Variants in KHDRBS2 observed in about 807,000 individuals in gnomAD.
KHDRBS2 encodes the protein KH domain-containing, RNA-binding, signal transduction-associated protein 2.
In KHDRBS2, 26 loss-of-function variants were observed where a neutral mutation model predicts 44.3. The observed-to-expected ratio is 0.59, with a 90% CI of 0.43 to 0.81. KHDRBS2 has a LOEUF of 0.81. Ranked by LOEUF, KHDRBS2 falls within the 40% of genes least tolerant of loss-of-function variation. The pLI is 0.00. For synonymous variants in KHDRBS2, 194 were observed against 151.1 expected (o/e 1.28, Z -2.08); for missense variants, 476 against 433.1 (o/e 1.10, Z -0.88).
the KHDRBS2 span, among the ~76,000 whole-genome samples, chr6:61,653,954 C>T: frequency 6.6e-6 from 1 of 151,926 alleles, no homozygotes; most frequent in Admixed American, 6.6e-5. Flanking sequence ...AACACACAAC[C>T]CTACTTTGGC....
chr6:61,787,971 A>G (rs772823486), intron 6 of KHDRBS2, among the ~76,000 whole-genome samples: 4 of 151,632 alleles, frequency 2.6e-5, no homozygotes, highest in African/African-American at 9.7e-5. Context: ...ACCACATAAT[A>G]TATCATTGTT....
chr6:61,804,471 G>A (rs372014461), intron 6 of KHDRBS2, among the ~76,000 whole-genome samples: 14 of 152,070 alleles, frequency 9.2e-5, no homozygotes, highest in South Asian at 2.1e-4. Context: ...GAGGACAGTC[G>A]CCTTCTTCTC....
In KHDRBS2 at chr6:61,954,499, G is replaced by GAATATATACA. The variant is rs1330692053; in HGVS notation, c.483+23566_483+23567insTGTATATATT. Among the ~76,000 whole-genome samples the GAATATATACA allele has an allele frequency of 2.7e-3, 324 of 120,890 alleles. 5 individuals carry two copies. The highest frequency in any genetic ancestry group is 4.4e-3 in the Non-Finnish European group (254 of 58,386). The allele number at this position is 120,890 out of a possible 152,430, so 79.3% of individuals were successfully genotyped here. A position where few individuals can be genotyped will look rare whatever the true frequency, so the allele number is the denominator to read the frequency against. The stretch of plus-strand genomic sequence containing the variant: ...TATATACACATGCGTATGTATGTAT[G>GAATATATACA]CATAATATATATGAATATATACACA... On this transcript the variant is annotated intron_variant, in intron 4 of 8. Coordinates refer to ENST00000281156, the MANE Select transcript of KHDRBS2 (RefSeq NM_152688.4).
At chr6:62,172,727 T>C (rs1274463124) in intron 2 of KHDRBS2, among the ~76,000 whole-genome samples, 1 of 99,002 alleles carries the variant, frequency 1.0e-5, no homozygotes, top group African/African-American at 3.8e-5. Flanking sequence ...AAACCTGGAA[T>C]CATACCAAGC....
At position 62,267,196 on chromosome 6, in the gene KHDRBS2, G is replaced by A. The variant is rs1413966089; in HGVS notation, c.91+18662C>T. The stretch of plus-strand genomic sequence containing the variant: ...AGGACATATCTTGCAAAAATTCCGG[G>A]GTTTCTCAAGAGACCAAGGTCAGCC... On this transcript the variant is annotated intron_variant, in intron 1 of 8. Transcript: ENST00000281156. Among the ~76,000 whole-genome samples the A allele has an allele frequency of 4.6e-5, 7 of 151,900 alleles. No homozygotes were observed. The East Asian group carries it at 1.2e-3, about 25-fold the overall frequency.
intron 6 of KHDRBS2, among the ~76,000 whole-genome samples, chr6:61,823,656 T>G (rs987729628): frequency 1.3e-5 from 2 of 152,152 alleles, no homozygotes; most frequent in African/African-American, 4.8e-5. Context: ...TTTTCCATTA[T>G]CTATTGCTTT....
chr6:62,026,877 AT>A (rs567848595), intron 3 of KHDRBS2, among the ~76,000 whole-genome samples: 6 of 151,964 alleles, frequency 3.9e-5, no homozygotes, highest in South Asian at 2.1e-4. Context: ...TTTCAGCCTA[AT>A]TTTTTTTATT....
chr6:62,112,377 C>G (rs1372228855), intron 2 of KHDRBS2, among the ~76,000 whole-genome samples: 1 of 152,126 alleles, frequency 6.6e-6, no homozygotes, highest in African/African-American at 2.4e-5. Flanking sequence ...TTTGAGCACC[C>G]TTGTGGCTTG....
intron 2 of KHDRBS2, among the ~76,000 whole-genome samples, chr6:62,120,335 C>T (rs1245810101): frequency 6.6e-6 from 1 of 152,168 alleles, no homozygotes; most frequent in Non-Finnish European, 1.5e-5. Context: ...GTCTAGAACA[C>T]ATACCTTTCA....
chr6:62,227,499 T>C (rs1832095873), intron 1 of KHDRBS2, among the ~76,000 whole-genome samples: 1 of 152,136 alleles, frequency 6.6e-6, no homozygotes, highest in Non-Finnish European at 1.5e-5. Context: ...TCTCTTCCTA[T>C]TTGAATGCCA....
At chr6:61,587,695 T>C in the KHDRBS2 span, among the ~76,000 whole-genome samples, 1 of 152,168 alleles carries the variant, frequency 6.6e-6, no homozygotes, top group African/African-American at 2.4e-5. Flanking sequence ...TGGTTCTTTA[T>C]GCTATAAGAA....
chr6:62,169,156 TACGTAC>T (rs1322818105), intron 2 of KHDRBS2, among the ~76,000 whole-genome samples: 14 of 88,458 alleles, frequency 1.6e-4, no homozygotes, highest in African/African-American at 4.7e-4. Flanking sequence ...TGTGTATATA[TACGTAC>T]ACATATATGT....
At chr6:61,570,093 G>T in the KHDRBS2 span, among the ~76,000 whole-genome samples, 1 of 152,022 alleles carries the variant, frequency 6.6e-6, no homozygotes, top group Non-Finnish European at 1.5e-5. Context: ...TGTAGTTCTA[G>T]ATAAAGAATT....
chr6:61,617,797 G>A, the KHDRBS2 span, among the ~76,000 whole-genome samples: 7 of 152,024 alleles, frequency 4.6e-5, no homozygotes, highest in East Asian at 1.9e-4. Flanking sequence ...TGCCTATGTC[G>A]AGGCACTAGG....
intron 4 of KHDRBS2, among the ~76,000 whole-genome samples, chr6:61,973,929 T>TA (rs77425239): frequency 0.061 from 9,215 of 152,172 alleles, 344 homozygotes; most frequent in East Asian, 0.16. Flanking sequence ...TTGGAAGATG[T>TA]AAAAAAGCAA....
At chr6:61,782,873 T>C (rs1783226830) in intron 6 of KHDRBS2, among the ~76,000 whole-genome samples, 1 of 151,658 alleles carries the variant, frequency 6.6e-6, no homozygotes, top group Non-Finnish European at 1.5e-5. Context: ...ATTCTTGAAA[T>C]AGATGGCTAC....
chr6:61,622,531 A>G, the KHDRBS2 span, among the ~76,000 whole-genome samples: 49 of 152,344 alleles, frequency 3.2e-4, no homozygotes, highest in African/African-American at 1.1e-3. Context: ...TGAATATGCA[A>G]AGATGTCTTC....
intron 1 of KHDRBS2, among the ~76,000 whole-genome samples, chr6:62,250,831 A>G (rs78697335): frequency 3.9e-5 from 6 of 152,152 alleles, no homozygotes; most frequent in Admixed American, 2.0e-4. Flanking sequence ...AAGGGGTGAT[A>G]AAATGTATTC....
intron 2 of KHDRBS2, among the ~76,000 whole-genome samples, chr6:62,105,045 G>T (rs570633205): frequency 1.3e-5 from 2 of 151,910 alleles, no homozygotes; most frequent in African/African-American, 4.8e-5. Flanking sequence ...AGAAAACGTG[G>T]ACAAATTCAT....
Sources: gnomAD v4.1 joint callset for allele counts (sites outside exome capture counted in the v4.1 genomes callset) on GRCh38, gnomAD v4.1.1 for gene constraint, MANE v1.5 for transcripts, NCBI Gene and HGNC (gene_info 2026-07-23, HGNC 2026-07-21) for gene names.